ACOT11: variants seen among roughly 807,000 people sequenced by gnomAD.
ACOT11 encodes the protein acyl-CoA thioesterase 11.
Under a neutral mutation model 77.5 loss-of-function variants are expected in ACOT11, and 69 were observed. That is an observed-to-expected ratio of 0.89 (90% confidence interval 0.73 to 1.09). The LOEUF is 1.09. Among genes scored for constraint, ACOT11 ranks in the 50% least tolerant of loss-of-function variants. ACOT11 has a pLI of 0.00. For synonymous variants in ACOT11, 279 were observed against 313.0 expected (o/e 0.89, Z 1.15); for missense variants, 766 against 813.7 (o/e 0.94, Z 0.71).
At chr1:54,586,381 C>A (rs529581640) in intron 3 of ACOT11, among the ~76,000 whole-genome samples, 7 of 152,186 alleles carry the variant, frequency 4.6e-5, no homozygotes, top group African/African-American at 1.7e-4. Flanking sequence ...CTGCTCACAT[C>A]CTTCCAGGGA....
chr1:54,613,456 TTC>T (rs1254915559), downstream of ACOT11, among the ~76,000 whole-genome samples: 1 of 151,972 alleles, frequency 6.6e-6, no homozygotes, highest in Non-Finnish European at 1.5e-5. Flanking sequence ...CTTCATGTCT[TTC>T]TCTCTTTTCT....
chr1:54,569,786 A>ATT (rs1445665031), intron 1 of ACOT11, among the ~76,000 whole-genome samples: 4 of 152,238 alleles, frequency 2.6e-5, no homozygotes, highest in Non-Finnish European at 5.9e-5. Flanking sequence ...ATAGCAACAG[A>ATT]AAAGCTTAAA....
intron 15 of ACOT11, among the ~76,000 whole-genome samples, chr1:54,622,509 C>T (rs796521324): frequency 2.5e-4 from 37 of 150,736 alleles, no homozygotes; most frequent in African/African-American, 8.1e-4. Context: ...ACCTGGGAGG[C>T]GGAGGTTGCA....
intron 15 of ACOT11, among the ~76,000 whole-genome samples, chr1:54,608,413 AGT>A (rs1644060150): frequency 6.6e-6 from 1 of 152,084 alleles, no homozygotes; most frequent in Non-Finnish European, 1.5e-5. Flanking sequence ...CCAGCAGCGC[AGT>A]CCGTGTTGAT....
intron 4 of ACOT11, 44 bp downstream of exon 4, chr1:54,592,650 T>A: frequency 6.3e-7 from 1 of 1,586,076 alleles, no homozygotes; most frequent in Non-Finnish European, 8.6e-7. Flanking sequence ...CGTGGGTGGG[T>A]CCTCTACCTC....
In ACOT11 at chr1:54,628,942, G is replaced by A. The variant is rs949533636; in HGVS notation, c.1630-1792G>A. Among the ~76,000 whole-genome samples the A allele has an allele frequency of 2.7e-4, 35 of 129,366 alleles. 11 individuals are homozygous for A. Among genetic ancestry groups the A allele is most frequent in the South Asian group, 2.1e-3 (8 of 3,816 alleles). The allele number at this position is 129,366 out of a possible 152,430, so 84.9% of individuals were successfully genotyped here. On this transcript the variant is annotated intron_variant, in intron 15 of 16. Transcript: ENST00000371316. ...GGTGTGGTGGCTCATGCCTGTGATC[G>A]CAGCTATTTGGGAGGCTGAGGGAGG...
chr1:54,594,080 C>G, intron 5 of ACOT11, 41 bp downstream of exon 5: 2 of 1,557,008 alleles, frequency 1.3e-6, no homozygotes, highest in Non-Finnish European at 1.8e-6. Context: ...TGCTCAGTGA[C>G]CTGGGCACCT....
intron 1 of ACOT11, among the ~76,000 whole-genome samples, chr1:54,551,104 C>T (rs1335380940): frequency 7.1e-6 from 1 of 140,630 alleles, no homozygotes; most frequent in Non-Finnish European, 1.5e-5. Context: ...CACACCACTG[C>T]ACTCCAGCCT....
At chr1:54,608,671 CT>C (rs1644064918) in intron 15 of ACOT11, among the ~76,000 whole-genome samples, 1 of 152,132 alleles carries the variant, frequency 6.6e-6, no homozygotes, top group South Asian at 2.1e-4. Context: ...AGCCCCTGCC[CT>C]CCAGGGCCTC....
intron 15 of ACOT11, among the ~76,000 whole-genome samples, chr1:54,616,970 T>G (rs1013299800): frequency 1.4e-5 from 2 of 141,772 alleles, no homozygotes; most frequent in Admixed American, 1.4e-4. Context: ...CCTCTCAAAG[T>G]GTTGAGATTA....
At position 54,594,788 on chromosome 1, in the gene ACOT11, C is replaced by T. The variant is rs1654840289; in HGVS notation, c.607+97C>T. ...CTGGGCAGAGGCAGGAAGGGAGGCTCCGGGGACTTCCACCCACTGGTGGCC... is the reference window on the plus strand; with the variant it reads ...CTGGGCAGAGGCAGGAAGGGAGGCTTCGGGGACTTCCACCCACTGGTGGCC... On this transcript the variant is annotated intron_variant, in intron 6 of 15. Coordinates refer to ENST00000343744, the MANE Select transcript of ACOT11 (RefSeq NM_147161.4). The T allele has an allele frequency of 4.0e-6, 6 of 1,489,748 alleles. 1 individual carries two copies. Among genetic ancestry groups the T allele is most frequent in the Non-Finnish European group, 2.7e-6 (3 of 1,113,534 alleles). The allele number at this position is 1,489,748 out of a possible 1,614,324, so 92.3% of individuals were successfully genotyped here.
At chr1:54,605,032 C>A in intron 12 of ACOT11, 44 bp from the exon 13 acceptor site, 1 of 1,577,234 alleles carries the variant, frequency 6.3e-7, no homozygotes, top group Non-Finnish European at 8.6e-7. Flanking sequence ...CCCATCAGTC[C>A]ACTCCACCAC....
At position 54,607,980 on chromosome 1, in the gene ACOT11, C is replaced by T; in HGVS notation, c.1541C>T (p.Pro514Leu). Residue 514 changes from proline to leucine, a missense_variant, in exon 15 of 16, where the codon CCC becomes CTC. Pro to Leu is a moderately conservative substitution (Grantham distance 98, BLOSUM62 -3). Transcript: ENST00000343744. The surrounding 1 kb of genome is among the most constrained non-coding windows in gnomAD (Gnocchi z 4.5). ...ATCGCGCTGAGGTCGGTCACGCTGCCCACACACCGAGAGACGCCAGAGTAC... is the reference window on the plus strand; with the variant it reads ...ATCGCGCTGAGGTCGGTCACGCTGCTCACACACCGAGAGACGCCAGAGTAC... ...YVIALRSVTL[P>L]THRETPEYRR... The T allele has an allele frequency of 6.2e-7, 1 of 1,613,812 alleles. No individual in the cohort carries two copies. Among genetic ancestry groups the T allele is most frequent in the Non-Finnish European group, 8.5e-7 (1 of 1,179,958 alleles).
Position 54,629,938 on chromosome 1 carries a change from C to T in ACOT11, c.1630-796C>T, listed in dbSNP as rs543217981. Among the ~76,000 whole-genome samples the T allele has an allele frequency of 1.2e-3, 165 of 132,568 alleles. 36 individuals carry two copies. The highest frequency in any genetic ancestry group is 8.6e-3 in the Admixed American group (111 of 12,980). The allele number at this position is 132,568 out of a possible 152,430, so 87.0% of individuals were successfully genotyped here. A position where few individuals can be genotyped will look rare whatever the true frequency, so the allele number is the denominator to read the frequency against. ...TGTTTGAGACGGAGTCTTGCTCTGT[C>T]GCCCAGGCTGGAGTGCAGTGGCACG... On this transcript the variant is annotated intron_variant, in intron 15 of 16. Coordinates refer to the ACOT11 transcript ENST00000371316.
At chr1:54,585,938 G>A (rs1654483609) in intron 3 of ACOT11, 34 bp downstream of exon 3, 1 of 1,609,270 alleles carries the variant, frequency 6.2e-7, no homozygotes, top group East Asian at 2.2e-5. Context: ...GGTCCTCTGG[G>A]CTCCCTCCCA....
At chr1:54,610,810 C>T, downstream of ACOT11, 1 of 985,358 alleles carries the variant, frequency 1.0e-6, no homozygotes, top group African/African-American at 1.7e-5. Flanking sequence ...TGGTATCCTT[C>T]CCGCTCGCTT....
rs1654422999 is a variant in ACOT11, at chr1:54,584,392, C to G, written c.34-263C>G. 6.6e-6 allele frequency among the ~76,000 whole-genome samples: 1 copy of G among 152,214 alleles called. No individual in the cohort carries two copies. The highest frequency in any genetic ancestry group is 2.4e-5 in the African/African-American group (1 of 41,452). ...CTGACTTCTCTGCATGGTTTTGTCTCCACTGGCCCACTCGGGTGCAAGGCC... is the reference window on the plus strand; with the variant it reads ...CTGACTTCTCTGCATGGTTTTGTCTGCACTGGCCCACTCGGGTGCAAGGCC... On this transcript the variant is annotated intron_variant, in intron 1 of 15. Coordinates refer to ENST00000343744, the MANE Select transcript of ACOT11 (RefSeq NM_147161.4). This position sits in a 1 kb window ranked among gnomAD's most constrained non-coding sequence, Gnocchi z 6.3.
intron 1 of ACOT11, among the ~76,000 whole-genome samples, chr1:54,572,250 TTC>T (rs1434157896): frequency 3.9e-5 from 6 of 151,956 alleles, no homozygotes; most frequent in Admixed American, 3.9e-4. Flanking sequence ...CTCTCTCTCA[TTC>T]TCTCTCTCTT....
At chr1:54,548,466 G>C in intron 1 of ACOT11, 124 bp downstream of exon 1, 1 of 1,261,558 alleles carries the variant, frequency 7.9e-7, no homozygotes, top group Non-Finnish European at 1.1e-6. Context: ...CCATTTTCTA[G>C]CTCTCTTTGG....
Sources: allele counts gnomAD v4.1 joint callset (sites outside exome capture counted in the v4.1 genomes callset), GRCh38; gene constraint gnomAD v4.1.1; non-coding constraint Gnocchi (gnomAD v3.1); transcripts MANE v1.5; gene names NCBI Gene and HGNC (gene_info 2026-07-23, HGNC 2026-07-21).